Variants in CNTN5 observed in about 807,000 individuals in gnomAD.
CNTN5 encodes the protein contactin-5.
Under a neutral mutation model 129.1 loss-of-function variants are expected in CNTN5, and 77 were observed. The ratio of observed to expected loss-of-function variants is 0.60; its 90% CI spans 0.50 to 0.72. The LOEUF (loss-of-function observed/expected upper bound fraction) is 0.72. CNTN5 is among the 30% of genes least tolerant of loss of function. CNTN5 has a pLI of 0.00. For synonymous variants in CNTN5, 509 were observed against 465.6 expected (o/e 1.09, Z -1.20); for missense variants, 1,478 against 1,328.8 (o/e 1.11, Z -1.75).
chr11:100,130,569 C>G (rs925452683), intron 13 of CNTN5, among the ~76,000 whole-genome samples: 26 of 152,096 alleles, frequency 1.7e-4, no homozygotes, highest in African/African-American at 6.3e-4. Flanking sequence ...TCAAGCAGGG[C>G]TCTGCAGGGC....
intron 1 of CNTN5, among the ~76,000 whole-genome samples, chr11:99,120,717 T>A (rs1858278990): frequency 6.6e-6 from 1 of 152,122 alleles, no homozygotes; most frequent in African/African-American, 2.4e-5. Flanking sequence ...GAAAATACCA[T>A]CATCAAGGGT....
intron 3 of CNTN5, among the ~76,000 whole-genome samples, chr11:99,796,026 G>C (rs970882765): frequency 2.6e-5 from 4 of 152,142 alleles, no homozygotes; most frequent in African/African-American, 7.2e-5. Context: ...GGCAGGTGTG[G>C]GGTGTTGGCT....
At chr11:99,635,427 A>G (rs1472648532) in intron 3 of CNTN5, among the ~76,000 whole-genome samples, 1 of 152,150 alleles carries the variant, frequency 6.6e-6, no homozygotes, top group African/African-American at 2.4e-5. Flanking sequence ...AACAGCCTGG[A>G]CAGCGTAGAG....
At chr11:100,345,515 A>G (rs1226599804) in intron 23 of CNTN5, among the ~76,000 whole-genome samples, 1 of 152,102 alleles carries the variant, frequency 6.6e-6, no homozygotes, top group Non-Finnish European at 1.5e-5. Context: ...GGTGTCAGCA[A>G]CATATATAAC....
chr11:99,163,993 A>C (rs1860746490), intron 1 of CNTN5, among the ~76,000 whole-genome samples: 1 of 152,204 alleles, frequency 6.6e-6, no homozygotes, highest in Non-Finnish European at 1.5e-5. Flanking sequence ...CAGCTGACTT[A>C]TCTGATTAAT....
intron 3 of CNTN5, among the ~76,000 whole-genome samples, chr11:99,624,011 A>G (rs923053020): frequency 6.6e-6 from 1 of 152,104 alleles, no homozygotes; most frequent in Non-Finnish European, 1.5e-5. Flanking sequence ...AAAAGATAAA[A>G]TTGTATCTCA....
chr11:100,085,907 T>C (rs1944534429), intron 13 of CNTN5, among the ~76,000 whole-genome samples: 1 of 152,052 alleles, frequency 6.6e-6, no homozygotes, highest in African/African-American at 2.4e-5. Context: ...GAACTGCCAT[T>C]GAAGTGGTCT....
chr11:99,905,613 T>C (rs1403465059), intron 6 of CNTN5, among the ~76,000 whole-genome samples: 1 of 152,094 alleles, frequency 6.6e-6, no homozygotes, highest in Non-Finnish European at 1.5e-5. Flanking sequence ...GGATTGTCTT[T>C]GCTGTACGGG....
intron 4 of CNTN5, among the ~76,000 whole-genome samples, chr11:99,841,979 A>G (rs991400469): frequency 4.0e-5 from 6 of 151,302 alleles, no homozygotes; most frequent in African/African-American, 1.2e-4. Context: ...TTCCACCTCC[A>G]TTGTTCAAGC....
At chr11:99,782,127 A>T (rs1945333468) in intron 3 of CNTN5, among the ~76,000 whole-genome samples, 1 of 151,464 alleles carries the variant, frequency 6.6e-6, no homozygotes, top group South Asian at 2.1e-4. Context: ...ACTTCAGCAA[A>T]GTCTCAGGAT....
chr11:99,231,520 T>C (rs892758292), intron 1 of CNTN5, among the ~76,000 whole-genome samples: 1 of 152,210 alleles, frequency 6.6e-6, no homozygotes, highest in Non-Finnish European at 1.5e-5. Flanking sequence ...TGTAAATTTG[T>C]TGAAGTCCCT....
chr11:99,302,159 TAAAAG>T (rs562811318), intron 1 of CNTN5, among the ~76,000 whole-genome samples: 136 of 150,918 alleles, frequency 9.0e-4, no homozygotes, highest in Admixed American at 3.0e-3. Flanking sequence ...TCTTCCAACT[TAAAAG>T]AAAAAGAAGA....
At chr11:99,861,257 C>A (rs1215787856) in intron 6 of CNTN5, among the ~76,000 whole-genome samples, 1 of 152,064 alleles carries the variant, frequency 6.6e-6, no homozygotes, top group African/African-American at 2.4e-5. Flanking sequence ...ACACCTGGCC[C>A]TTCATTTGTT....
At chr11:99,356,563 C>T (rs1938686788) in intron 2 of CNTN5, among the ~76,000 whole-genome samples, 1 of 152,184 alleles carries the variant, frequency 6.6e-6, no homozygotes, top group Non-Finnish European at 1.5e-5. Flanking sequence ...TTGTGCAGTG[C>T]AATGACTTCG....
chr11:99,937,327 A>G (rs1328030609), intron 7 of CNTN5, among the ~76,000 whole-genome samples: 1 of 152,228 alleles, frequency 6.6e-6, no homozygotes, highest in East Asian at 1.9e-4. Flanking sequence ...GCGTTCTCTT[A>G]TGCTGTTCTT....
At chr11:99,423,520 G>A (rs1336399169) in intron 2 of CNTN5, among the ~76,000 whole-genome samples, 1 of 152,118 alleles carries the variant, frequency 6.6e-6, no homozygotes, top group Non-Finnish European at 1.5e-5. Flanking sequence ...GGTTTCTAAG[G>A]TAAACTTACT....
intron 3 of CNTN5, among the ~76,000 whole-genome samples, chr11:99,799,846 G>C (rs1946060443): frequency 1.3e-5 from 2 of 152,140 alleles, no homozygotes; most frequent in Admixed American, 6.6e-5. Context: ...TGTATATCTT[G>C]TGGAATTTGG....
intron 3 of CNTN5, among the ~76,000 whole-genome samples, chr11:99,726,633 A>C (rs1000139971): frequency 4.6e-5 from 7 of 152,250 alleles, no homozygotes; most frequent in Non-Finnish European, 8.8e-5. Flanking sequence ...AAAAAATAGG[A>C]AACTATCGTC....
At chr11:99,855,053 A>G (rs1947991059) in intron 6 of CNTN5, among the ~76,000 whole-genome samples, 1 of 152,128 alleles carries the variant, frequency 6.6e-6, no homozygotes, top group African/African-American at 2.4e-5. Context: ...TCACACCTCT[A>G]GTTGCAGCAC....
Sources: allele counts gnomAD v4.1 joint callset (sites outside exome capture counted in the v4.1 genomes callset), GRCh38; gene constraint gnomAD v4.1.1; transcripts MANE v1.5; gene names NCBI Gene and HGNC (gene_info 2026-07-23, HGNC 2026-07-21).